The following APBA1 variants were observed in gnomAD, a reference collection of about 807,000 sequenced individuals.
APBA1 encodes amyloid beta precursor protein binding family A member 1.
A neutral mutation model predicts 86.6 loss-of-function variants in APBA1; 55 were observed. That is an observed-to-expected ratio of 0.64 (90% CI 0.51 to 0.80). The LOEUF (loss-of-function observed/expected upper bound fraction) is 0.80. Among genes scored for constraint, APBA1 ranks in the 30% least tolerant of loss-of-function variants. The pLI, the probability that APBA1 is intolerant of heterozygous loss-of-function variation, is 0.00. For synonymous variants in APBA1, 511 were observed against 493.9 expected, an observed-to-expected ratio of 1.03 and a Z score of -0.46; for missense variants, 1,090 against 1,183.0, an observed-to-expected ratio of 0.92 and a Z score of 1.15.
At chr9:69,537,042 GAT>G (rs3068202) in intron 1 of APBA1, among the ~76,000 whole-genome samples, 15 of 147,560 alleles carry the variant, frequency 1.0e-4, no homozygotes, top group East Asian at 2.0e-4. Flanking sequence ...TACGCACTAA[GAT>G]ATATATATAT....
chr9:69,650,917 C>G (rs1254041755), intron 1 of APBA1, among the ~76,000 whole-genome samples: 1 of 152,096 alleles, frequency 6.6e-6, no homozygotes, highest in Non-Finnish European at 1.5e-5. Flanking sequence ...AGTTTCACTC[C>G]TAAATATATA....
intron 2 of APBA1, among the ~76,000 whole-genome samples, chr9:69,500,930 A>C (rs1453120433): frequency 6.6e-6 from 1 of 152,152 alleles, no homozygotes; most frequent in African/African-American, 2.4e-5. Context: ...TTTATAGCCA[A>C]ATCGCATTTC....
At chr9:69,443,960 A>C (rs949632093) in intron 10 of APBA1, among the ~76,000 whole-genome samples, 2 of 152,076 alleles carry the variant, frequency 1.3e-5, no homozygotes, top group African/African-American at 4.8e-5. Context: ...ACGTGGCAAG[A>C]GTTTTTCGGG....
intron 1 of APBA1, among the ~76,000 whole-genome samples, chr9:69,528,437 G>A (rs1040120375): frequency 6.6e-6 from 1 of 151,852 alleles, no homozygotes; most frequent in Admixed American, 6.6e-5. Context: ...ATAAGCTTAA[G>A]GCAATCACTG....
At chr9:69,458,820 T>G (rs1835143863) in intron 5 of APBA1, among the ~76,000 whole-genome samples, 1 of 151,920 alleles carries the variant, frequency 6.6e-6, no homozygotes, top group African/African-American at 2.4e-5. Flanking sequence ...TTTTTTTTTT[T>G]TCTGAGATGG....
chr9:69,587,705 G>A (rs921032177), intron 1 of APBA1, among the ~76,000 whole-genome samples: 1 of 152,080 alleles, frequency 6.6e-6, no homozygotes, highest in African/African-American at 2.4e-5. Context: ...CAGCCATGGA[G>A]ATGTTCCAGA....
chr9:69,606,659 T>G (rs1313523397), intron 1 of APBA1, among the ~76,000 whole-genome samples: 1 of 151,526 alleles, frequency 6.6e-6, no homozygotes, highest in African/African-American at 2.4e-5. Context: ...GCCCGGCTAA[T>G]TTTTTTGTAT....
chr9:69,525,492 C>T (rs1836327982), intron 1 of APBA1, among the ~76,000 whole-genome samples: 1 of 151,538 alleles, frequency 6.6e-6, no homozygotes, highest in Admixed American at 6.6e-5. Context: ...TACCTGTGCC[C>T]CCCACCCCCC....
At chr9:69,594,668 T>C (rs1340655940) in intron 1 of APBA1, among the ~76,000 whole-genome samples, 1 of 152,120 alleles carries the variant, frequency 6.6e-6, no homozygotes, top group African/African-American at 2.4e-5. Context: ...TGAGGATTCT[T>C]GGTGAGAATA....
intron 1 of APBA1, among the ~76,000 whole-genome samples, chr9:69,545,576 G>C (rs7033083): frequency 0.56 from 85,175 of 152,048 alleles, 25,611 homozygotes; most frequent in Non-Finnish European, 0.66. Context: ...TAAAGCGTTG[G>C]ATTTTTTTGT....
At chr9:69,604,040 T>C (rs1214006371) in intron 1 of APBA1, among the ~76,000 whole-genome samples, 1 of 152,226 alleles carries the variant, frequency 6.6e-6, no homozygotes, top group East Asian at 1.9e-4. Context: ...TAAGCTTGAA[T>C]TCTAAAAGCT....
chr9:69,435,055 T>C (rs974232581), intron 11 of APBA1, among the ~76,000 whole-genome samples: 1 of 151,414 alleles, frequency 6.6e-6, no homozygotes, highest in Non-Finnish European at 1.5e-5. Flanking sequence ...GTTGGTTTTT[T>C]GTCCTTGCCA....
rs147087918 is a variant in APBA1 at position 69,552,148 on chromosome 9, G to C, written c.-69-34869C>G. On this transcript the variant is annotated intron_variant, in intron 1 of 12. Coordinates refer to ENST00000265381, the MANE Select transcript of APBA1 (RefSeq NM_001163.4). ...AGCTTTGAATATGACAATGGAAGAGGCTGTTTACAAAATTTTCAGCCATCA... is the reference window on the plus strand; with the variant it reads ...AGCTTTGAATATGACAATGGAAGAGCCTGTTTACAAAATTTTCAGCCATCA... 6.6e-5 allele frequency among the ~76,000 whole-genome samples: 10 copies of C among 152,316 alleles called. No individual in the cohort carries two copies. The East Asian group carries it at 1.5e-3, about 24-fold the overall frequency.
intron 1 of APBA1, among the ~76,000 whole-genome samples, chr9:69,664,349 C>T (rs911992029): frequency 6.6e-6 from 1 of 152,094 alleles, no homozygotes; most frequent in Non-Finnish European, 1.5e-5. Context: ...AAATATACTC[C>T]TTTAGGAAGA....
chr9:69,555,968 C>T (rs1009310684), intron 1 of APBA1, among the ~76,000 whole-genome samples: 11 of 152,066 alleles, frequency 7.2e-5, no homozygotes, highest in African/African-American at 2.7e-4. Flanking sequence ...TTAATCTAAA[C>T]CTAAAACTGA....
chr9:69,457,010 G>A (rs1835110214), intron 7 of APBA1, 43 bp downstream of exon 7: 1 of 1,521,454 alleles, frequency 6.6e-7, no homozygotes, highest in African/African-American at 1.4e-5. Flanking sequence ...GAGTTACGAT[G>A]TCACTAAGCT....
At chr9:69,523,574 A>T (rs2133898700) in intron 1 of APBA1, among the ~76,000 whole-genome samples, 1 of 146,874 alleles carries the variant, frequency 6.8e-6, no homozygotes, top group Admixed American at 6.8e-5. Flanking sequence ...GAGCACCCAG[A>T]TTCATAAAAC....
intron 1 of APBA1, among the ~76,000 whole-genome samples, chr9:69,661,046 T>A (rs529119232): frequency 2.6e-5 from 4 of 152,316 alleles, no homozygotes; most frequent in Admixed American, 1.3e-4. Flanking sequence ...AAAAGTTAAA[T>A]GAGAAATCAA....
At chr9:69,470,810 C>G (rs931236153) in intron 4 of APBA1, among the ~76,000 whole-genome samples, 1 of 152,160 alleles carries the variant, frequency 6.6e-6, no homozygotes, top group Admixed American at 6.5e-5. Context: ...AGAGTGAGTG[C>G]CTCTTTGTGA....
Sources: gnomAD v4.1 joint callset for allele counts (sites outside exome capture counted in the v4.1 genomes callset) on GRCh38, gnomAD v4.1.1 for gene constraint, MANE v1.5 for transcripts, NCBI Gene and HGNC (gene_info 2026-07-23, HGNC 2026-07-21) for gene names.